ATP10D: variants seen among roughly 807,000 people sequenced by gnomAD.
ATP10D encodes phospholipid-transporting ATPase VD.
In ATP10D, 89 loss-of-function variants were observed where a neutral mutation model predicts 144.8. That is an observed-to-expected ratio of 0.61 (90% CI 0.52 to 0.73). The LOEUF is 0.73. Ranked by LOEUF, ATP10D falls within the 30% of genes least tolerant of loss-of-function variation. ATP10D has a pLI of 0.00. For missense variants in ATP10D, 1,603 were observed against 1,714.8 expected, an observed-to-expected ratio of 0.93 and a Z score of 1.15; for synonymous variants, 571 against 615.1, an observed-to-expected ratio of 0.93 and a Z score of 1.06.
chr4:47,543,721 A>G (rs1165894870), intron 9 of ATP10D, among the ~76,000 whole-genome samples: 1 of 152,124 alleles, frequency 6.6e-6, no homozygotes, highest in Non-Finnish European at 1.5e-5. Flanking sequence ...TCATGGTTGA[A>G]CTGCTTAATC....
chr4:47,537,866 T>G (rs898721931), intron 9 of ATP10D, among the ~76,000 whole-genome samples: 1 of 152,198 alleles, frequency 6.6e-6, no homozygotes, highest in Non-Finnish European at 1.5e-5. Flanking sequence ...GCTCCCAATA[T>G]GTGGCATGAG....
intron 1 of ATP10D, among the ~76,000 whole-genome samples, chr4:47,504,888 A>T (rs1413571377): frequency 1.3e-5 from 2 of 152,182 alleles, no homozygotes; most frequent in African/African-American, 4.8e-5. Flanking sequence ...CCTTTTATTG[A>T]CTATGATAGA....
chr4:47,495,664 C>G (rs1202690413), intron 1 of ATP10D, among the ~76,000 whole-genome samples: 4 of 151,574 alleles, frequency 2.6e-5, no homozygotes, highest in Admixed American at 6.6e-5. Context: ...TACTTGTATA[C>G]AGGTCTAAAT....
intron 1 of ATP10D, among the ~76,000 whole-genome samples, chr4:47,494,918 G>A (rs866650564): frequency 5.1e-4 from 78 of 152,138 alleles, no homozygotes; most frequent in African/African-American, 1.8e-3. Context: ...TTTTCAGAAA[G>A]AAGAGTCTCC....
chr4:47,545,376 A>G (rs1560436283), intron 9 of ATP10D, among the ~76,000 whole-genome samples: 1 of 152,208 alleles, frequency 6.6e-6, no homozygotes, highest in Non-Finnish European at 1.5e-5. Flanking sequence ...TTATGCAGGA[A>G]GTGATCTGAT....
In ATP10D at chr4:47,485,493, C is replaced by CTG. The variant is rs1714697885; in HGVS notation, c.-61_-60dup. 6.6e-6 allele frequency: 1 copy of CTG among 151,890 alleles called. No individual in the cohort carries two copies. The highest frequency in any genetic ancestry group is 1.5e-5 in the Non-Finnish European group (1 of 67,994). The allele number at this position is 151,890 out of a possible 1,614,324, so 9.4% of individuals were successfully genotyped here. ...TACCTTGCGACTCGTGACCAACATG[C>CTG]TGTGATGTGTGCCGAGGGAGGAATT... is the stretch of plus-strand genomic sequence containing the variant. On this transcript the variant is annotated 5_prime_UTR_variant, in exon 1 of 23. The change abolishes the stop of an existing upstream ORF in the 5' untranslated region. Coordinates refer to ENST00000273859, the MANE Select transcript of ATP10D (RefSeq NM_020453.4).
chr4:47,530,229 C>T (rs765122067), intron 5 of ATP10D, among the ~76,000 whole-genome samples: 30 of 151,860 alleles, frequency 2.0e-4, no homozygotes, highest in African/African-American at 6.0e-4. Context: ...ACCGGAACAA[C>T]GGTTATTAGG....
chr4:47,511,348 CATG>C (rs1260509399), intron 1 of ATP10D, among the ~76,000 whole-genome samples: 1 of 151,986 alleles, frequency 6.6e-6, no homozygotes, highest in African/African-American at 2.4e-5. Context: ...TATTTTCTCT[CATG>C]ATAAGACGGG....
chr4:47,549,050 G>A (rs1472832252), intron 10 of ATP10D, among the ~76,000 whole-genome samples: 1 of 152,230 alleles, frequency 6.6e-6, no homozygotes, highest in African/African-American at 2.4e-5. Context: ...TAGGCAGGGT[G>A]CTGATGAAGA....
At chr4:47,554,981 T>C (rs192161322) in intron 11 of ATP10D, 67 bp downstream of exon 11, 2 of 1,298,102 alleles carry the variant, frequency 1.5e-6, no homozygotes, top group Non-Finnish European at 1.1e-6. Flanking sequence ...TAAATGTATC[T>C]GTACTGAGCT....
chr4:47,539,920 A>G (rs1023556397), intron 9 of ATP10D, among the ~76,000 whole-genome samples: 8 of 152,308 alleles, frequency 5.3e-5, no homozygotes, highest in African/African-American at 1.9e-4. Flanking sequence ...GCCTCCTCAC[A>G]CAGAAAAGAT....
intron 5 of ATP10D, among the ~76,000 whole-genome samples, chr4:47,530,429 G>T (rs1717502278): frequency 6.7e-6 from 1 of 150,314 alleles, no homozygotes; most frequent in African/African-American, 2.5e-5. Flanking sequence ...TTTTGTTGTT[G>T]TTGCTGTTGT....
chr4:47,534,697 A>G (rs918438798), intron 5 of ATP10D, among the ~76,000 whole-genome samples: 2 of 152,184 alleles, frequency 1.3e-5, no homozygotes, highest in African/African-American at 4.8e-5. Flanking sequence ...TAATTTTTAA[A>G]TTCTATCAGG....
At chr4:47,506,778 AG>A (rs1369493094) in intron 1 of ATP10D, among the ~76,000 whole-genome samples, 2 of 152,208 alleles carry the variant, frequency 1.3e-5, no homozygotes, top group Non-Finnish European at 2.9e-5. Flanking sequence ...TTCTCAAGAC[AG>A]GGTTCCTATG....
chr4:47,566,299 T>C (rs1719635755), intron 15 of ATP10D, among the ~76,000 whole-genome samples: 2 of 152,260 alleles, frequency 1.3e-5, no homozygotes, highest in African/African-American at 4.8e-5. Flanking sequence ...TTTGTTTTAA[T>C]ATAGTCATAT....
rs533216126 is a variant in ATP10D, at chr4:47,551,756, A to C, written c.1636-2970A>C. On this transcript the variant is annotated intron_variant, in intron 10 of 22. Coordinates refer to ENST00000273859, the MANE Select transcript of ATP10D (RefSeq NM_020453.4). ...TCTGAAGTTAGCAGGCATCCAGAGAAGGCAGAAGCCACCCATCACTGACAA... is the reference window on the plus strand; with the variant it reads ...TCTGAAGTTAGCAGGCATCCAGAGACGGCAGAAGCCACCCATCACTGACAA... Among the ~76,000 whole-genome samples the C allele has an allele frequency of 2.0e-5, 3 of 152,336 alleles. No homozygotes were observed. The South Asian group carries it at 6.2e-4, about 32-fold the overall frequency.
intron 1 of ATP10D, among the ~76,000 whole-genome samples, chr4:47,490,473 T>A (rs1715012937): frequency 6.6e-6 from 1 of 152,258 alleles, no homozygotes; most frequent in Non-Finnish European, 1.5e-5. Context: ...ACTGGCTTTC[T>A]GCTCCCAGAT....
intron 2 of ATP10D, among the ~76,000 whole-genome samples, chr4:47,515,070 C>T (rs191883541): frequency 3.3e-5 from 5 of 152,092 alleles, no homozygotes; most frequent in Admixed American, 1.3e-4. Flanking sequence ...AAGTGATTCT[C>T]GTGCCTCAGC....
chr4:47,587,690 T>C (rs1310690738), intron 22 of ATP10D, among the ~76,000 whole-genome samples: 1 of 152,144 alleles, frequency 6.6e-6, no homozygotes, highest in East Asian at 1.9e-4. Context: ...CTTCAGATGG[T>C]GGAAGGGCAA....
Sources: allele counts gnomAD v4.1 joint callset (sites outside exome capture counted in the v4.1 genomes callset), GRCh38; gene constraint gnomAD v4.1.1; transcripts MANE v1.5; gene names NCBI Gene and HGNC (gene_info 2026-07-23, HGNC 2026-07-21).